The following GDF5 variants were observed in gnomAD, a reference collection of about 807,000 sequenced individuals.
GDF5 encodes the protein growth/differentiation factor 5.
In GDF5, 17 loss-of-function variants were observed where a neutral mutation model predicts 34.6. The observed-to-expected ratio is 0.49, with a 90% CI of 0.34 to 0.74. The LOEUF is 0.74. Among genes scored for constraint, GDF5 ranks in the 30% least tolerant of loss-of-function variants. The probability of loss-of-function intolerance (pLI) is 0.01; values close to 1 mark genes in which losing one functional copy is unlikely to be tolerated. For synonymous variants in GDF5, 332 were observed against 290.7 expected (o/e 1.14, Z -1.44); for missense variants, 616 against 661.2 (o/e 0.93, Z 0.75).
upstream of GDF5, among the ~76,000 whole-genome samples, chr20:35,442,080 A>T (rs868336696): frequency 6.6e-6 from 1 of 151,510 alleles, no homozygotes; most frequent in African/African-American, 2.4e-5. Flanking sequence ...GGCTCAAGTG[A>T]TCTGCCCGCC....
In GDF5 at chr20:35,437,565, C is replaced by T. The variant is rs750211782; in HGVS notation, c.364G>A (p.Val122Met). 1.9e-6 allele frequency: 3 copies of T among 1,614,046 alleles called. No homozygotes were observed. Among genetic ancestry groups the T allele is most frequent in the East Asian group, 2.2e-5 (1 of 44,888 alleles). ...PQTRQATART[V>M]TPKGQLPGGK... Reference sequence around the variant, plus strand: ...CCGGGAAGCTGTCCTTTTGGGGTCACAGTCCGGGCTGTAGCCTGCCTTGTT... The same window carrying T: ...CCGGGAAGCTGTCCTTTTGGGGTCATAGTCCGGGCTGTAGCCTGCCTTGTT... The change falls in exon 1 of 2, where the codon GTG becomes ATG. Residue 122 changes from valine to methionine, a missense_variant. Val to Met is a conservative substitution (Grantham distance 21). Transcript: ENST00000374369.
intron 1 of GDF5, among the ~76,000 whole-genome samples, chr20:35,445,984 A>AAAAT (rs1276238107): frequency 6.7e-6 from 1 of 149,916 alleles, no homozygotes; most frequent in East Asian, 2.0e-4. Flanking sequence ...AATAATAATA[A>AAAAT]AAATAAATAA....
intron 1 of GDF5, among the ~76,000 whole-genome samples, chr20:35,448,214 C>T (rs1364568462): frequency 6.6e-6 from 1 of 151,856 alleles, no homozygotes; most frequent in Non-Finnish European, 1.5e-5. Flanking sequence ...TCCTCCTTCC[C>T]TCCATCTAAT....
chr20:35,438,051 C>A lies in GDF5; in HGVS notation c.-123G>T. On this transcript the variant is annotated 5_prime_UTR_variant, in exon 1 of 2. Coordinates refer to ENST00000374369, the MANE Select transcript of GDF5 (RefSeq NM_000557.5). ...AAAGCAGCGGCAGCAGCAGTAGCAG[C>A]AGAAGGAAAGGCTTTCTCCTCAGTC... 8.9e-7 allele frequency: 1 copy of A among 1,129,664 alleles called. No individual in the cohort carries two copies. The highest frequency in any genetic ancestry group is 1.6e-5 in the African/African-American group (1 of 64,252). 70.0% of individuals were successfully genotyped at this position (1,129,664 alleles called of 1,614,324 possible). A position where few individuals can be genotyped will look rare whatever the true frequency, so the allele number is the denominator to read the frequency against.
intron 1 of GDF5, among the ~76,000 whole-genome samples, chr20:35,453,270 A>G (rs2062542473): frequency 6.6e-6 from 1 of 152,040 alleles, no homozygotes; most frequent in African/African-American, 2.4e-5. Flanking sequence ...GAAACAGAAG[A>G]CTATCCTAGA....
At chr20:35,448,049 T>G (rs1393183167) in intron 1 of GDF5, among the ~76,000 whole-genome samples, 1 of 152,196 alleles carries the variant, frequency 6.6e-6, no homozygotes, top group Non-Finnish European at 1.5e-5. Context: ...TGTAAAAATA[T>G]TCAAATAATA....
intron 1 of GDF5, chr20:35,435,019 G>C: frequency 1.6e-6 from 1 of 637,208 alleles, no homozygotes; most frequent in Non-Finnish European, 2.9e-6. Flanking sequence ...GGGATGATTT[G>C]CGTGATTCTG....
In GDF5 at chr20:35,438,041, G is replaced by A; in HGVS notation, c.-113C>T. On this transcript the variant is annotated 5_prime_UTR_variant, in exon 1 of 2. Coordinates refer to ENST00000374369, the MANE Select transcript of GDF5 (RefSeq NM_000557.5). ...TGGACTTTCAAAAGCAGCGGCAGCAGCAGTAGCAGCAGAAGGAAAGGCTTT... is the reference window on the plus strand; with the variant it reads ...TGGACTTTCAAAAGCAGCGGCAGCAACAGTAGCAGCAGAAGGAAAGGCTTT... 1 of 1,192,334 alleles carries A rather than the reference G, an allele frequency of 8.4e-7. No homozygotes were observed. Among genetic ancestry groups the A allele is most frequent in the Non-Finnish European group, 1.2e-6 (1 of 823,312 alleles). 73.9% of individuals were successfully genotyped at this position (1,192,334 alleles called of 1,614,324 possible).
chr20:35,434,761 C>T lies in GDF5; in HGVS notation c.654G>A (p.Arg218=). The T allele has an allele frequency of 1.9e-6, 3 of 1,611,410 alleles. No homozygotes were observed. Among genetic ancestry groups the T allele is most frequent in the African/African-American group, 2.7e-5 (2 of 75,072 alleles). The part of the protein sequence containing the change: ...KGQDDRGPVV[R]KQRYVFDISA... ...TAATGTCAAACACGTACCTCTGCTT[C>T]CTGACCACGGGACCTCGGTCATCTA... Residue 218 remains arginine, a synonymous_variant, in exon 2 of 2, where the codon AGG becomes AGA. Coordinates refer to ENST00000374369, the MANE Select transcript of GDF5 (RefSeq NM_000557.5).
chr20:35,446,814 C>T (rs1156606978), intron 1 of GDF5, among the ~76,000 whole-genome samples: 1 of 152,000 alleles, frequency 6.6e-6, no homozygotes, highest in African/African-American at 2.4e-5. Context: ...GACTGACCAC[C>T]CTACAGGTTA....
intron 1 of GDF5, among the ~76,000 whole-genome samples, chr20:35,450,412 T>C (rs1470236989): frequency 6.6e-6 from 1 of 152,134 alleles, no homozygotes; most frequent in East Asian, 1.9e-4. Context: ...TGGTTGACTT[T>C]TTTTCCCTCT....
intron 1 of GDF5, chr20:35,454,072 T>C (rs1414448893): frequency 2.0e-6 from 1 of 510,686 alleles, no homozygotes. Context: ...CCAGTTTTGT[T>C]TTTAATTCCT....
chr20:35,439,287 GCA>G, upstream of GDF5, among the ~76,000 whole-genome samples: 1 of 150,218 alleles, frequency 6.7e-6, no homozygotes. Flanking sequence ...GAGTGCAGTG[GCA>G]TGATCTCAGC....
In GDF5 at chr20:35,437,404, C is replaced by T. The variant is rs374749045; in HGVS notation, c.525G>A (p.Ser175=). The change falls in exon 1 of 2, where the codon TCG becomes TCA. Residue 175 remains serine (S), a synonymous_variant. Coordinates refer to ENST00000374369, the MANE Select transcript of GDF5 (RefSeq NM_000557.5). Reference sequence around the variant, plus strand: ...CAGCATCGGACAGCGTCCTGTACAGCGAGAGCATGTACTCGTGGGGTGTGA... The same window carrying T: ...CAGCATCGGACAGCGTCCTGTACAGTGAGAGCATGTACTCGTGGGGTGTGA... The part of the protein sequence containing the change: ...PPITPHEYML[S]LYRTLSDADR... 3.1e-6 allele frequency: 5 copies of T among 1,613,148 alleles called. No homozygotes were observed. The highest frequency in any genetic ancestry group is 2.2e-5 in the East Asian group (1 of 44,866).
intron 1 of GDF5, among the ~76,000 whole-genome samples, chr20:35,453,004 T>C (rs1333817683): frequency 6.6e-6 from 1 of 151,868 alleles, no homozygotes; most frequent in Non-Finnish European, 1.5e-5. Flanking sequence ...AATGCCAGCA[T>C]TTTGGGAGGC....
At chr20:35,446,375 G>A (rs185783933) in intron 1 of GDF5, among the ~76,000 whole-genome samples, 1 of 151,082 alleles carries the variant, frequency 6.6e-6, no homozygotes, top group Non-Finnish European at 1.5e-5. Flanking sequence ...GTTTATATAT[G>A]TAAAGTACCT....
upstream of GDF5, among the ~76,000 whole-genome samples, chr20:35,439,448 C>T (rs924050990): frequency 2.0e-5 from 3 of 151,994 alleles, no homozygotes; most frequent in Non-Finnish European, 2.9e-5. Flanking sequence ...AGGATGGTCT[C>T]GATCTCCTGA....
At chr20:35,436,189 C>A (rs1047184989) in intron 1 of GDF5, among the ~76,000 whole-genome samples, 1 of 152,170 alleles carries the variant, frequency 6.6e-6, no homozygotes, top group Non-Finnish European at 1.5e-5. Context: ...CCCATCTCCC[C>A]CTCTCCAAGC....
intron 1 of GDF5, among the ~76,000 whole-genome samples, chr20:35,450,823 G>A (rs1411928446): frequency 6.6e-6 from 1 of 151,604 alleles, no homozygotes; most frequent in African/African-American, 2.4e-5. Flanking sequence ...CTCCCTAAGT[G>A]CAATGGTATG....
Sources: gnomAD v4.1 joint callset for allele counts (sites outside exome capture counted in the v4.1 genomes callset) on GRCh38, gnomAD v4.1.1 for gene constraint, MANE v1.5 for transcripts, NCBI Gene and HGNC (gene_info 2026-07-23, HGNC 2026-07-21) for gene names.